The following BRINP3 variants were observed in gnomAD, a reference collection of about 807,000 sequenced individuals.
BRINP3 encodes the protein BMP/retinoic acid inducible neural specific 3, also known as BMP/retinoic acid-inducible neural-specific protein 3.
BRINP3 carries 19 observed loss-of-function variants against 71.0 expected under a neutral mutation model. The ratio of observed to expected loss-of-function variants is 0.27; its 90% CI spans 0.19 to 0.39. The LOEUF (loss-of-function observed/expected upper bound fraction) is 0.39. Among genes scored for constraint, BRINP3 ranks in the 10% least tolerant of loss-of-function variants. The pLI is 1.00. For synonymous variants in BRINP3, 380 were observed against 337.7 expected (o/e 1.13, Z -1.37); for missense variants, 959 against 940.8 (o/e 1.02, Z -0.25).
At chr1:190,446,640 G>A (rs994662818) in intron 2 of BRINP3, among the ~76,000 whole-genome samples, 5 of 152,032 alleles carry the variant, frequency 3.3e-5, no homozygotes, top group Non-Finnish European at 7.4e-5. Flanking sequence ...TTGTTCTGAT[G>A]TTTCCATTTT....
At chr1:190,314,825 T>C (rs1278227444) in intron 2 of BRINP3, among the ~76,000 whole-genome samples, 3 of 152,128 alleles carry the variant, frequency 2.0e-5, no homozygotes, top group South Asian at 2.1e-4. Context: ...AAGAATTATA[T>C]AATATGGAGA....
intron 7 of BRINP3, among the ~76,000 whole-genome samples, chr1:190,125,649 T>C (rs1265977932): frequency 2.6e-5 from 4 of 152,156 alleles, no homozygotes; most frequent in Admixed American, 6.6e-5. Context: ...TGGGAGGATA[T>C]AGCAGAGACT....
chr1:190,322,083 G>GAAATAATAAATA (rs1334958621), intron 2 of BRINP3, among the ~76,000 whole-genome samples: 6 of 151,708 alleles, frequency 4.0e-5, no homozygotes, highest in Non-Finnish European at 8.8e-5. Context: ...ACATATATGG[G>GAAATAATAAATA]AAATAATAGT....
chr1:190,295,566 G>C (rs1664183936), intron 2 of BRINP3, among the ~76,000 whole-genome samples: 1 of 152,142 alleles, frequency 6.6e-6, no homozygotes, highest in Non-Finnish European at 1.5e-5. Context: ...CGAGGCCACT[G>C]TAGTCAGGTA....
rs371380574 is a variant in BRINP3, at chr1:190,358,414, CTCA to C, written c.237-76667_237-76665del. ...CAGCCAACAGACACATGAAAAAATGCTCATCAACACTGGCCATCAGCAAAATGC... is the reference window on the plus strand; with the variant it reads ...CAGCCAACAGACACATGAAAAAATGCTCAACACTGGCCATCAGCAAAATGC... On this transcript the variant is annotated intron_variant, in intron 2 of 7. Transcript: ENST00000367462. 1.2e-3 allele frequency among the ~76,000 whole-genome samples: 184 copies of C among 152,246 alleles called. 4 individuals carry two copies. The East Asian group carries it at 0.03, about 25-fold the overall frequency.
chr1:190,457,818 A>G (rs1487855083), intron 1 of BRINP3, among the ~76,000 whole-genome samples: 1 of 152,114 alleles, frequency 6.6e-6, no homozygotes, highest in African/African-American at 2.4e-5. Context: ...CTGTTCTACA[A>G]TTCTGTAATT....
At position 190,251,226 on chromosome 1, in the gene BRINP3, T is replaced by C. The variant is rs1465872307; in HGVS notation, c.618+13639A>G. ...TTAGAGCTTATTCCTGAGTCCTATG[T>C]ATTTGCTTGAACTTGTACTTATAAC... On this transcript the variant is annotated intron_variant, in intron 4 of 7. Transcript: ENST00000367462. 2.6e-5 allele frequency among the ~76,000 whole-genome samples: 4 copies of C among 152,010 alleles called. No individual in the cohort carries two copies. In the East Asian group the frequency reaches 7.7e-4, roughly 29 times the overall value.
chr1:190,138,194 T>C (rs1031985497), intron 7 of BRINP3, among the ~76,000 whole-genome samples: 1 of 152,118 alleles, frequency 6.6e-6, no homozygotes, highest in African/African-American at 2.4e-5. Context: ...CCTCAGGTGA[T>C]CTGCCCACCT....
intron 6 of BRINP3, among the ~76,000 whole-genome samples, chr1:190,215,666 C>T (rs1328446822): frequency 6.6e-6 from 1 of 151,816 alleles, no homozygotes; most frequent in African/African-American, 2.4e-5. Context: ...GAAAGATTAT[C>T]TATTTTCAGA....
At chr1:190,131,538 C>T (rs1654544424) in intron 7 of BRINP3, among the ~76,000 whole-genome samples, 1 of 151,974 alleles carries the variant, frequency 6.6e-6, no homozygotes, top group South Asian at 2.1e-4. Context: ...ATTGTATTTC[C>T]TCAATGTATC....
intron 7 of BRINP3, among the ~76,000 whole-genome samples, chr1:190,151,590 G>A (rs576138170): frequency 7.4e-4 from 112 of 152,174 alleles, no homozygotes; most frequent in Admixed American, 2.6e-3. Context: ...AGAAATAAAG[G>A]TTATAAGAAA....
intron 7 of BRINP3, among the ~76,000 whole-genome samples, chr1:190,125,157 G>T (rs1426970351): frequency 6.6e-6 from 1 of 151,884 alleles, no homozygotes; most frequent in Admixed American, 6.6e-5. Flanking sequence ...AACTAGGGTA[G>T]TTTCAACCAA....
rs574374705 is a variant in BRINP3 at position 190,449,810 on chromosome 1, G to T, written c.236+4845C>A. On this transcript the variant is annotated intron_variant, in intron 2 of 7. Coordinates refer to ENST00000367462, the MANE Select transcript of BRINP3 (RefSeq NM_199051.3). ...TTTCTCTGACAATCTGAACAAGAAA[G>T]TCCAGGGGAAACAACATTAATTACA... Among the ~76,000 whole-genome samples, 3 of 152,144 alleles carry T rather than the reference G, an allele frequency of 2.0e-5. No homozygotes were observed. In the East Asian group the frequency reaches 5.8e-4, roughly 29 times the overall value.
chr1:190,143,509 T>A (rs1227725999), intron 7 of BRINP3, among the ~76,000 whole-genome samples: 1 of 152,144 alleles, frequency 6.6e-6, no homozygotes, highest in African/African-American at 2.4e-5. Flanking sequence ...CCTTTGTGGA[T>A]ATGGAAATAA....
At chr1:190,193,723 A>G (rs1244382069) in intron 6 of BRINP3, among the ~76,000 whole-genome samples, 2 of 152,046 alleles carry the variant, frequency 1.3e-5, no homozygotes, top group Non-Finnish European at 2.9e-5. Context: ...AAAACTTTCA[A>G]CTGTAAACTC....
intron 7 of BRINP3, among the ~76,000 whole-genome samples, chr1:190,100,397 T>C (rs946050342): frequency 1.3e-5 from 2 of 152,204 alleles, no homozygotes; most frequent in Non-Finnish European, 2.9e-5. Flanking sequence ...TCATTACATA[T>C]AATACCCATT....
intron 2 of BRINP3, among the ~76,000 whole-genome samples, chr1:190,454,391 T>A (rs1189213024): frequency 6.6e-6 from 1 of 152,200 alleles, no homozygotes; most frequent in African/African-American, 2.4e-5. Flanking sequence ...GGCTTCCAAA[T>A]ACATTGCCAT....
chr1:190,100,170 G>A (rs1651577927), intron 7 of BRINP3, among the ~76,000 whole-genome samples: 1 of 152,090 alleles, frequency 6.6e-6, no homozygotes, highest in Non-Finnish European at 1.5e-5. Context: ...CATGTACTTA[G>A]AATATTGCAA....
At chr1:190,476,720 C>G (rs1677527583) in intron 1 of BRINP3, among the ~76,000 whole-genome samples, 1 of 152,134 alleles carries the variant, frequency 6.6e-6, no homozygotes, top group Admixed American at 6.5e-5. Context: ...GATTGCTCCT[C>G]TCTGAAATGA....
Sources: gnomAD v4.1 joint callset for allele counts (sites outside exome capture counted in the v4.1 genomes callset) on GRCh38, gnomAD v4.1.1 for gene constraint, MANE v1.5 for transcripts, NCBI Gene and HGNC (gene_info 2026-07-23, HGNC 2026-07-21) for gene names.